DLGAP2: variants seen among roughly 807,000 people sequenced by gnomAD.
DLGAP2 encodes the protein DLG associated protein 2, also known as disks large-associated protein 2.
DLGAP2 carries 26 observed loss-of-function variants against 100.3 expected under a neutral mutation model. The ratio of observed to expected loss-of-function variants is 0.26; its 90% CI spans 0.19 to 0.36. DLGAP2 has a LOEUF of 0.36. Ranked by LOEUF, DLGAP2 falls within the 10% of genes least tolerant of loss-of-function variation. DLGAP2 has a pLI of 1.00. For synonymous variants in DLGAP2, 886 were observed against 630.1 expected, an observed-to-expected ratio of 1.41 and a Z score of -6.08; for missense variants, 1,858 against 1,453.2, an observed-to-expected ratio of 1.28 and a Z score of -4.53.
chr8:1,046,584 T>C (rs1802522128), intron 2 of DLGAP2, among the ~76,000 whole-genome samples: 2 of 152,240 alleles, frequency 1.3e-5, no homozygotes, highest in Non-Finnish European at 2.9e-5. Context: ...CTAATATCTG[T>C]GTTTCCTTCA....
chr8:1,661,359 G>C (rs1798405087), intron 8 of DLGAP2, among the ~76,000 whole-genome samples: 2 of 152,168 alleles, frequency 1.3e-5, no homozygotes, highest in South Asian at 2.1e-4. Flanking sequence ...AAGAGGCAGG[G>C]AGTAACATCA....
intron 4 of DLGAP2, among the ~76,000 whole-genome samples, chr8:1,538,901 T>G (rs1463580160): frequency 6.6e-5 from 10 of 151,122 alleles, no homozygotes; most frequent in Non-Finnish European, 1.5e-4. Flanking sequence ...TTTTTTTTTT[T>G]TTTTGAGACA....
intron 14 of DLGAP2, among the ~76,000 whole-genome samples, chr8:1,697,997 C>G (rs954645202): frequency 1.3e-5 from 2 of 152,298 alleles, no homozygotes; most frequent in East Asian, 3.9e-4. Flanking sequence ...TTTTTCTAGA[C>G]AAATGTTATT....
At chr8:1,274,073 G>T (rs373456095) in intron 3 of DLGAP2, among the ~76,000 whole-genome samples, 1 of 152,002 alleles carries the variant, frequency 6.6e-6, no homozygotes, top group Non-Finnish European at 1.5e-5. Flanking sequence ...ACAGCGTGAC[G>T]GCTCTGTTCA....
chr8:1,433,059 G>A (rs1279507826), intron 3 of DLGAP2, among the ~76,000 whole-genome samples: 1 of 152,158 alleles, frequency 6.6e-6, no homozygotes, highest in Non-Finnish European at 1.5e-5. Context: ...TTTAGTCCCA[G>A]GGCACTTAAC....
At chr8:1,373,346 C>T (rs998104630) in intron 3 of DLGAP2, among the ~76,000 whole-genome samples, 1 of 151,820 alleles carries the variant, frequency 6.6e-6, no homozygotes, top group Non-Finnish European at 1.5e-5. Context: ...AGGCGCCGCG[C>T]CTGGACCGTG....
intron 4 of DLGAP2, among the ~76,000 whole-genome samples, chr8:1,537,421 A>G (rs1801190460): frequency 6.6e-6 from 1 of 152,002 alleles, no homozygotes. Context: ...TTGAGTTCCA[A>G]ATGATATCTG....
At chr8:1,497,993 C>A (rs989262842) in intron 3 of DLGAP2, among the ~76,000 whole-genome samples, 15 of 152,308 alleles carry the variant, frequency 9.8e-5, no homozygotes, top group African/African-American at 3.4e-4. Flanking sequence ...TGGTTTTATA[C>A]ACTTTAGGGA....
At chr8:1,675,503 G>A (rs768210563) in intron 10 of DLGAP2, among the ~76,000 whole-genome samples, 1 of 152,208 alleles carries the variant, frequency 6.6e-6, no homozygotes, top group South Asian at 2.1e-4. Context: ...CCACAAATCT[G>A]AGCCAGTCCT....
At chr8:1,253,079 G>A (rs1028711652) in intron 2 of DLGAP2, among the ~76,000 whole-genome samples, 2 of 152,160 alleles carry the variant, frequency 1.3e-5, no homozygotes, top group African/African-American at 4.8e-5. Flanking sequence ...TGCCGCCCAC[G>A]CCCGGGCCTG....
rs112471142 is a variant in DLGAP2, at chr8:1,618,049, G to A, written c.1443-8691G>A. Among the ~76,000 whole-genome samples the A allele has an allele frequency of 1.8e-3, 281 of 152,286 alleles. 1 individual carries two copies. Among genetic ancestry groups the A allele is most frequent in the African/African-American group, 5.4e-3 (223 of 41,576 alleles). The stretch of plus-strand genomic sequence containing the variant: ...CCCTCCGTAAGATGAGATAAAACAC[G>A]AGGATGCCGACTCTCAGCTCCTCTA... On this transcript the variant is annotated intron_variant, in intron 6 of 14. Coordinates refer to ENST00000637795, the MANE Select transcript of DLGAP2 (RefSeq NM_001346810.2).
At chr8:890,456 T>G (rs555671691) in intron 1 of DLGAP2, among the ~76,000 whole-genome samples, 2 of 152,202 alleles carry the variant, frequency 1.3e-5, no homozygotes, top group Admixed American at 6.5e-5. Context: ...TGATGGAAGG[T>G]TGGGGATGTG....
chr8:1,595,258 C>CG (rs1188539792), intron 6 of DLGAP2, among the ~76,000 whole-genome samples: 96 of 152,054 alleles, frequency 6.3e-4, no homozygotes, highest in African/African-American at 2.2e-3. Flanking sequence ...CCAGGTTTTA[C>CG]GGGCTTTTTT....
intron 3 of DLGAP2, among the ~76,000 whole-genome samples, chr8:1,496,763 C>T (rs1266661474): frequency 6.6e-6 from 1 of 152,178 alleles, no homozygotes; most frequent in Admixed American, 6.5e-5. Context: ...GGGACAGGTC[C>T]ACGCTCTCCA....
chr8:1,139,389 A>T (rs763662209), intron 2 of DLGAP2, among the ~76,000 whole-genome samples: 4 of 152,230 alleles, frequency 2.6e-5, no homozygotes, highest in Non-Finnish European at 5.9e-5. Context: ...TGCAGGCTGC[A>T]AGTCCGTGAT....
chr8:1,208,116 C>G (rs1798032524), intron 2 of DLGAP2, among the ~76,000 whole-genome samples: 1 of 152,124 alleles, frequency 6.6e-6, no homozygotes, highest in Non-Finnish European at 1.5e-5. Context: ...CTTTTGGGTT[C>G]TTGCTCATGA....
At chr8:875,332 C>A (rs566139517) in intron 1 of DLGAP2, among the ~76,000 whole-genome samples, 1 of 152,264 alleles carries the variant, frequency 6.6e-6, no homozygotes, top group South Asian at 2.1e-4. Context: ...TGTGTCCCCA[C>A]CCAAATCTCA....
chr8:1,426,682 A>C (rs901794492), intron 3 of DLGAP2, among the ~76,000 whole-genome samples: 1 of 152,224 alleles, frequency 6.6e-6, no homozygotes, highest in Non-Finnish European at 1.5e-5. Flanking sequence ...GAATCTACAA[A>C]GGAGCAAGGA....
intron 2 of DLGAP2, among the ~76,000 whole-genome samples, chr8:1,256,597 G>A (rs892447113): frequency 2.6e-5 from 4 of 151,948 alleles, no homozygotes; most frequent in African/African-American, 4.8e-5. Flanking sequence ...TCTCCTGCCC[G>A]GGTGCTGTGT....
Sources: gnomAD v4.1 joint callset for allele counts (sites outside exome capture counted in the v4.1 genomes callset) on GRCh38, gnomAD v4.1.1 for gene constraint, MANE v1.5 for transcripts, NCBI Gene and HGNC (gene_info 2026-07-23, HGNC 2026-07-21) for gene names.